STXBP5L: variants seen among roughly 807,000 people sequenced by gnomAD.
STXBP5L encodes syntaxin-binding protein 5-like.
In STXBP5L, 65 loss-of-function variants were observed where a neutral mutation model predicts 144.5. That is an observed-to-expected ratio of 0.45 (90% confidence interval 0.37 to 0.55). STXBP5L has a LOEUF of 0.55. Among genes scored for constraint, STXBP5L ranks in the 20% least tolerant of loss-of-function variants. The pLI is 0.00. For synonymous variants in STXBP5L, 505 were observed against 469.6 expected (o/e 1.08, Z -0.97); for missense variants, 1,298 against 1,405.5 (o/e 0.92, Z 1.22).
At chr3:121,271,507 T>G (rs973771705) in intron 18 of STXBP5L, among the ~76,000 whole-genome samples, 14 of 152,214 alleles carry the variant, frequency 9.2e-5, no homozygotes, top group Admixed American at 9.2e-4. Context: ...TAGATGCTCA[T>G]TTCTATTGTT....
rs1415617390 is a variant in STXBP5L, at chr3:121,418,322, T to C, written c.3227-15T>C. 12 of 1,607,794 alleles carry C rather than the reference T, an allele frequency of 7.5e-6. No individual in the cohort carries two copies. The highest frequency in any genetic ancestry group is 1.7e-5 in the Admixed American group (1 of 59,314). ...CTGACAAAATGTTTTAAATTGCTAT[T>C]GCATATATTCTCAGTTGGGGAAGCT... On this transcript the variant is annotated splice_polypyrimidine_tract_variant and intron_variant, in intron 25 of 26. Coordinates refer to ENST00000471454, the MANE Select transcript of STXBP5L (RefSeq NM_001308330.2).
At chr3:121,176,111 A>G (rs2046921875) in intron 9 of STXBP5L, among the ~76,000 whole-genome samples, 1 of 152,088 alleles carries the variant, frequency 6.6e-6, no homozygotes, top group African/African-American at 2.4e-5. Context: ...ATCCACAGCT[A>G]TATTTGGAAA....
At chr3:121,085,253 G>C (rs1159470305) in intron 5 of STXBP5L, among the ~76,000 whole-genome samples, 1 of 152,068 alleles carries the variant, frequency 6.6e-6, no homozygotes, top group Non-Finnish European at 1.5e-5. Flanking sequence ...TGTTTTTGTT[G>C]CAGTTGCAGT....
chr3:121,285,471 C>G (rs893082469), intron 19 of STXBP5L, among the ~76,000 whole-genome samples: 1 of 152,002 alleles, frequency 6.6e-6, no homozygotes, highest in African/African-American at 2.4e-5. Context: ...TTTTTGCACA[C>G]TCAATGAAAT....
At position 121,067,669 on chromosome 3, in the gene STXBP5L, G is replaced by C. The variant is rs186288687; in HGVS notation, c.470+22134G>C. ...TAGATCTGTAAATTCTTACTAATTT[G>C]TTTGTATTTGTTCTATCTGATATTA... On this transcript the variant is annotated intron_variant, in intron 5 of 26. Coordinates refer to ENST00000471454, the MANE Select transcript of STXBP5L (RefSeq NM_001308330.2). 9.3e-3 allele frequency among the ~76,000 whole-genome samples: 1,410 copies of C among 152,174 alleles called. 14 individuals carry two copies. The highest frequency in any genetic ancestry group is 0.015 in the Non-Finnish European group (1,042 of 67,958).
intron 5 of STXBP5L, among the ~76,000 whole-genome samples, chr3:121,046,755 TTTA>T (rs1159686701): frequency 1.3e-5 from 2 of 152,124 alleles, no homozygotes; most frequent in Non-Finnish European, 2.9e-5. Context: ...TCTTTTTCTC[TTTA>T]TTAGCCTAGC....
intron 9 of STXBP5L, among the ~76,000 whole-genome samples, chr3:121,190,895 C>A (rs879884215): frequency 2.6e-5 from 4 of 151,480 alleles, no homozygotes; most frequent in Non-Finnish European, 4.4e-5. Context: ...TCCTCAGTTC[C>A]CAGACGGGGT....
chr3:121,418,287 G>A, intron 25 of STXBP5L, 50 bp from the exon 26 acceptor site: 2 of 1,551,564 alleles, frequency 1.3e-6, no homozygotes, highest in South Asian at 1.2e-5. Context: ...AAGCTTGACT[G>A]TTTGAATTAC....
chr3:120,972,330 A>G (rs1307125743), intron 3 of STXBP5L, among the ~76,000 whole-genome samples: 1 of 152,060 alleles, frequency 6.6e-6, no homozygotes, highest in Admixed American at 6.6e-5. Flanking sequence ...TTTTCTAGCC[A>G]TTGCAAATCC....
intron 5 of STXBP5L, among the ~76,000 whole-genome samples, chr3:121,113,672 C>A (rs200013831): frequency 4.1e-5 from 5 of 122,570 alleles, no homozygotes; most frequent in African/African-American, 1.6e-4. Context: ...TTTTCTTTTT[C>A]TTTTTTTTTT....
At chr3:121,113,674 T>TTC (rs1553709161) in intron 5 of STXBP5L, among the ~76,000 whole-genome samples, 1 of 139,958 alleles carries the variant, frequency 7.1e-6, no homozygotes, top group African/African-American at 2.7e-5. Flanking sequence ...TTCTTTTTCT[T>TTC]TTTTTTTTTT....
Position 120,999,631 on chromosome 3 carries a change from T to C in STXBP5L, c.288-42069T>C, listed in dbSNP as rs920825206. Among the ~76,000 whole-genome samples, 4 of 152,314 alleles carry C rather than the reference T, an allele frequency of 2.6e-5. No homozygotes were observed. In the South Asian group the frequency reaches 8.3e-4, roughly 32 times the overall value. On this transcript the variant is annotated intron_variant, in intron 3 of 26. Coordinates refer to ENST00000471454, the MANE Select transcript of STXBP5L (RefSeq NM_001308330.2). ...TGTCATTGTGTTGTTAGCTGGGGTT[T>C]TTTTTTGTGGACTTTATTGTGTAGT...
intron 22 of STXBP5L, among the ~76,000 whole-genome samples, chr3:121,391,852 A>G (rs534253833): frequency 3.3e-5 from 5 of 152,142 alleles, no homozygotes; most frequent in African/African-American, 1.2e-4. Context: ...GTTAGTCTAC[A>G]TGGGGTTCAG....
At chr3:121,359,053 G>C (rs2045620854) in intron 20 of STXBP5L, among the ~76,000 whole-genome samples, 1 of 151,896 alleles carries the variant, frequency 6.6e-6, no homozygotes, top group Non-Finnish European at 1.5e-5. Flanking sequence ...TTGCAGTTTT[G>C]CTATTTCATA....
intron 20 of STXBP5L, among the ~76,000 whole-genome samples, chr3:121,362,450 C>T (rs1374135125): frequency 3.3e-5 from 5 of 152,178 alleles, no homozygotes; most frequent in Admixed American, 1.3e-4. Flanking sequence ...AAACACAAGA[C>T]AGAGTCCTTC....
At chr3:121,025,792 C>A (rs527522432) in intron 3 of STXBP5L, among the ~76,000 whole-genome samples, 53 of 150,518 alleles carry the variant, frequency 3.5e-4, no homozygotes, top group Middle Eastern at 7.0e-3. Flanking sequence ...TAAAACCAGC[C>A]TTACTGCCTC....
chr3:121,149,185 TTCA>T (rs1230363519), intron 7 of STXBP5L, among the ~76,000 whole-genome samples: 9 of 152,252 alleles, frequency 5.9e-5, no homozygotes, highest in African/African-American at 1.9e-4. Context: ...GTATGTTTAC[TTCA>T]TCATAATTCA....
At chr3:121,253,663 T>C (rs1350854614) in intron 15 of STXBP5L, among the ~76,000 whole-genome samples, 1 of 146,014 alleles carries the variant, frequency 6.8e-6, no homozygotes, top group Non-Finnish European at 1.5e-5. Context: ...AGTCTCGCTC[T>C]GTCTGCCCAA....
At chr3:120,994,713 T>C (rs1362125632) in intron 3 of STXBP5L, among the ~76,000 whole-genome samples, 1 of 152,188 alleles carries the variant, frequency 6.6e-6, no homozygotes, top group Non-Finnish European at 1.5e-5. Flanking sequence ...GCATCTTTTT[T>C]CATCATGAGT....
Sources: allele counts gnomAD v4.1 joint callset (sites outside exome capture counted in the v4.1 genomes callset), GRCh38; gene constraint gnomAD v4.1.1; transcripts MANE v1.5; gene names NCBI Gene and HGNC (gene_info 2026-07-23, HGNC 2026-07-21).